Variants in MYO6 observed in about 807,000 individuals in gnomAD.
The protein encoded by MYO6 is myosin VI.
Under a neutral mutation model 178.7 loss-of-function variants are expected in MYO6, and 74 were observed. That is an observed-to-expected ratio of 0.41 (90% CI 0.34 to 0.50). The LOEUF (loss-of-function observed/expected upper bound fraction) is 0.50, where lower values mean the gene tolerates loss of function less well. Among genes scored for constraint, MYO6 ranks in the 20% least tolerant of loss-of-function variants. The pLI, the probability that MYO6 is intolerant of heterozygous loss-of-function variation, is 0.09. For synonymous variants in MYO6, 477 were observed against 504.6 expected (o/e 0.95, Z 0.73); for missense variants, 1,330 against 1,547.4 (o/e 0.86, Z 2.36).
chr6:75,864,359 A>G (rs1483831207), intron 16 of MYO6, among the ~76,000 whole-genome samples: 2 of 152,184 alleles, frequency 1.3e-5, no homozygotes, highest in Admixed American at 6.5e-5. Context: ...AGGGACTAAA[A>G]TCTCACATCC....
intron 32 of MYO6, among the ~76,000 whole-genome samples, chr6:75,910,998 A>G (rs1780718353): frequency 6.6e-6 from 1 of 152,112 alleles, no homozygotes; most frequent in Non-Finnish European, 1.5e-5. Flanking sequence ...GTAAACTCTT[A>G]AAATAATGCA....
intron 14 of MYO6, among the ~76,000 whole-genome samples, chr6:75,860,164 A>G (rs1776082831): frequency 6.6e-6 from 1 of 152,160 alleles, no homozygotes; most frequent in Non-Finnish European, 1.5e-5. Flanking sequence ...CAATCATTTT[A>G]TTTCCTATTT....
intron 10 of MYO6, among the ~76,000 whole-genome samples, chr6:75,845,721 A>T (rs181736612): frequency 6.6e-6 from 1 of 152,064 alleles, no homozygotes; most frequent in African/African-American, 2.4e-5. Flanking sequence ...GGAGTGGGTC[A>T]CGCTTGTAAT....
At position 75,890,225 on chromosome 6, in the gene MYO6, G is replaced by GA; in HGVS notation, c.2828dup (p.Asp943GlufsTer17). On this transcript the variant is annotated frameshift_variant, in exon 26 of 35. Transcript: ENST00000369977. LOFTEE classifies it high-confidence loss of function. ...AAAGGAAAGAAAAAGACGTGAAGAA[G>GA]ACGAAAAACGTCGAAGAAAGGAAGA... is the stretch of plus-strand genomic sequence containing the variant. 1 of 1,612,408 alleles carries GA rather than the reference G, an allele frequency of 6.2e-7. No homozygotes were observed. Among genetic ancestry groups the GA allele is most frequent in the Non-Finnish European group, 8.5e-7 (1 of 1,178,520 alleles).
intron 2 of MYO6, among the ~76,000 whole-genome samples, chr6:75,819,066 T>G (rs556794063): frequency 6.6e-6 from 1 of 152,340 alleles, no homozygotes; most frequent in South Asian, 2.1e-4. Flanking sequence ...GAAACTTGAT[T>G]TAAGTGGATA....
At chr6:75,806,005 C>G (rs1422090157) in intron 1 of MYO6, among the ~76,000 whole-genome samples, 1 of 151,990 alleles carries the variant, frequency 6.6e-6, no homozygotes, top group East Asian at 1.9e-4. Context: ...TTTCTGGGAA[C>G]AGATATTAAC....
chr6:75,901,604 G>T (rs993429364), intron 30 of MYO6, among the ~76,000 whole-genome samples: 288 of 152,146 alleles, frequency 1.9e-3, no homozygotes, highest in African/African-American at 5.4e-3. Context: ...AAGTTGCTTA[G>T]CAGCTTAAGG....
intron 16 of MYO6, among the ~76,000 whole-genome samples, chr6:75,863,560 A>G (rs1201428626): frequency 2.0e-5 from 3 of 151,790 alleles, no homozygotes; most frequent in African/African-American, 7.3e-5. Context: ...ATCTCGGCTC[A>G]CTGCAACCTC....
chr6:75,860,928 G>C (rs1776147316), intron 14 of MYO6, 95 bp from the exon 15 acceptor site: 1 of 957,984 alleles, frequency 1.0e-6, no homozygotes, highest in African/African-American at 1.6e-5. Context: ...ATAAACCTTT[G>C]CATTCTAATT....
At chr6:75,859,269 G>T (rs1330278086) in intron 14 of MYO6, among the ~76,000 whole-genome samples, 1 of 151,880 alleles carries the variant, frequency 6.6e-6, no homozygotes, top group Non-Finnish European at 1.5e-5. Context: ...TGGACTTGAA[G>T]CTCTGTTTCT....
Position 75,828,582 on chromosome 6 carries a change from T to C in MYO6, c.230T>C (p.Ile77Thr), listed in dbSNP as rs767309419. 6.3e-7 allele frequency: 1 copy of C among 1,585,682 alleles called. No homozygotes were observed. The highest frequency in any genetic ancestry group is 2.2e-5 in the East Asian group (1 of 44,584). ...YLNEATLLHN[I>T]KVRYSKDRIY... is the part of the protein sequence containing the mutation. ...AATGAAGCCACACTGCTCCATAATA[T>C]CAAAGTTCGATATAGTAAAGACAGA... The change falls in exon 4 of 35, where the codon ATC becomes ACC. Residue 77 changes from isoleucine (I) to threonine (T), a missense_variant. Coordinates refer to ENST00000369977, the MANE Select transcript of MYO6 (RefSeq NM_004999.4).
intron 28 of MYO6, among the ~76,000 whole-genome samples, chr6:75,893,649 G>T (rs1301430234): frequency 1.3e-5 from 2 of 152,170 alleles, no homozygotes; most frequent in Admixed American, 1.3e-4. Flanking sequence ...AATAATTGCG[G>T]TTTTTGCCAT....
intron 9 of MYO6, among the ~76,000 whole-genome samples, chr6:75,841,862 T>C (rs1400315257): frequency 6.6e-6 from 1 of 152,174 alleles, no homozygotes; most frequent in African/African-American, 2.4e-5. Flanking sequence ...TAAGGTGTAC[T>C]GCTGAGTTTA....
intron 20 of MYO6, among the ~76,000 whole-genome samples, chr6:75,873,614 C>A (rs1228811287): frequency 6.6e-6 from 1 of 152,018 alleles, no homozygotes; most frequent in East Asian, 1.9e-4. Context: ...ATTATTTGAG[C>A]AATATTGAGA....
intron 1 of MYO6, among the ~76,000 whole-genome samples, chr6:75,797,952 G>C (rs1405870213): frequency 6.6e-6 from 1 of 152,134 alleles, no homozygotes; most frequent in Non-Finnish European, 1.5e-5. Flanking sequence ...GCCAGCCTCT[G>C]TTGTTTTTTT....
chr6:75,782,220 A>G (rs1173661125), intron 1 of MYO6, among the ~76,000 whole-genome samples: 1 of 152,098 alleles, frequency 6.6e-6, no homozygotes, highest in Non-Finnish European at 1.5e-5. Flanking sequence ...GATAGACCAA[A>G]ATGCAATTAC....
chr6:75,754,559 C>CGTTA (rs920394632), intron 1 of MYO6, among the ~76,000 whole-genome samples: 2 of 141,850 alleles, frequency 1.4e-5, no homozygotes, highest in African/African-American at 2.6e-5. Context: ...AAGCCGCTGA[C>CGTTA]TAACCTTTAC....
chr6:75,808,465 T>C (rs1176396949), intron 1 of MYO6, among the ~76,000 whole-genome samples: 1 of 152,162 alleles, frequency 6.6e-6, no homozygotes, highest in Non-Finnish European at 1.5e-5. Flanking sequence ...AATTACCTCC[T>C]GAAAGCCCTG....
chr6:75,814,864 C>CAAAA lies in MYO6; in HGVS notation c.-47-2624_-47-2621dup, dbSNP rs113864154. ...CCTGGGTGATAGAAAGACCCAGTCT[C>CAAAA]AAAAAAAAAAAAAAAAGATATTTCA... is the stretch of plus-strand genomic sequence containing the variant. On this transcript the variant is annotated intron_variant, in intron 1 of 34. Coordinates refer to ENST00000369977, the MANE Select transcript of MYO6 (RefSeq NM_004999.4). 5.8e-5 allele frequency among the ~76,000 whole-genome samples: 6 copies of CAAAA among 102,988 alleles called. No homozygotes were observed. The East Asian group carries it at 1.0e-3, about 18-fold the overall frequency. The allele number at this position is 102,988 out of a possible 152,430, so 67.6% of individuals were successfully genotyped here.
Sources: gnomAD v4.1 joint callset for allele counts (sites outside exome capture counted in the v4.1 genomes callset) on GRCh38, gnomAD v4.1.1 for gene constraint, MANE v1.5 for transcripts, NCBI Gene and HGNC (gene_info 2026-07-23, HGNC 2026-07-21) for gene names.